HDAC9: variants seen among roughly 807,000 people sequenced by gnomAD.
The protein encoded by HDAC9 is histone deacetylase 9, also known as MEF-2 interacting transcription repressor (MITR) protein.
HDAC9 carries 41 observed loss-of-function variants against 139.4 expected under a neutral mutation model. The ratio of observed to expected loss-of-function variants is 0.29; its 90% CI spans 0.23 to 0.38. The LOEUF (loss-of-function observed/expected upper bound fraction) is 0.38. HDAC9 is among the 10% of genes least tolerant of loss of function. The pLI is 1.00. For missense variants in HDAC9, 1,147 were observed against 1,297.0 expected (o/e 0.88, Z 1.78); for synonymous variants, 517 against 476.2 (o/e 1.09, Z -1.12).
At chr7:18,289,389 T>A (rs1031455585), upstream of HDAC9, among the ~76,000 whole-genome samples, 1 of 152,208 alleles carries the variant, frequency 6.6e-6, no homozygotes, top group African/African-American at 2.4e-5. Context: ...GGGGGTATAC[T>A]AAGAAGGGTA....
chr7:18,224,374 G>A (rs1792906962), intron 2 of HDAC9, among the ~76,000 whole-genome samples: 2 of 152,104 alleles, frequency 1.3e-5, no homozygotes, highest in South Asian at 4.1e-4. Context: ...TCAAATTCTG[G>A]ATATCAATTT....
At chr7:18,893,096 GAGA>G (rs1406124905) in intron 22 of HDAC9, among the ~76,000 whole-genome samples, 2 of 148,884 alleles carry the variant, frequency 1.3e-5, no homozygotes, top group East Asian at 2.0e-4. Flanking sequence ...TTACAGCAGT[GAGA>G]AGAACAGACA....
intron 2 of HDAC9, among the ~76,000 whole-genome samples, chr7:18,165,651 A>G (rs1787957688): frequency 6.6e-6 from 1 of 151,906 alleles, no homozygotes; most frequent in African/African-American, 2.4e-5. Flanking sequence ...ATTGCTTGGC[A>G]TGGTGGTGCA....
At chr7:18,373,751 C>T (rs1326080749) in intron 1 of HDAC9, among the ~76,000 whole-genome samples, 3 of 151,964 alleles carry the variant, frequency 2.0e-5, no homozygotes, top group African/African-American at 4.8e-5. Context: ...TAATCATTGA[C>T]ATTTTTTAGG....
intron 17 of HDAC9, among the ~76,000 whole-genome samples, chr7:18,805,552 T>C (rs1277249318): frequency 6.6e-6 from 1 of 152,176 alleles, no homozygotes; most frequent in East Asian, 1.9e-4. Context: ...GAAGCCAATT[T>C]TAATCATGAA....
At chr7:18,128,501 G>C (rs1469443046) in intron 1 of HDAC9, among the ~76,000 whole-genome samples, 1 of 151,994 alleles carries the variant, frequency 6.6e-6, no homozygotes, top group Non-Finnish European at 1.5e-5. Context: ...GAGTTGGGAA[G>C]CCTCAAGCCA....
intron 2 of HDAC9, among the ~76,000 whole-genome samples, chr7:18,284,034 A>C (rs1797274893): frequency 6.6e-6 from 1 of 152,176 alleles, no homozygotes; most frequent in African/African-American, 2.4e-5. Context: ...TGTACAATTT[A>C]CACAACATTC....
At chr7:18,829,628 C>G in intron 19 of HDAC9, 80 bp downstream of exon 19, 1 of 926,792 alleles carries the variant, frequency 1.1e-6, no homozygotes, top group South Asian at 1.5e-5. Context: ...GTTAGGTTGT[C>G]TTGCTTTTAG....
chr7:18,792,271 A>ATTTT lies in HDAC9; in HGVS notation c.2215-1074_2215-1073insTTTT, dbSNP rs1562944981. Among the ~76,000 whole-genome samples the ATTTT allele has an allele frequency of 2.3e-3, 338 of 150,118 alleles. 3 individuals are homozygous for ATTTT. Among genetic ancestry groups the ATTTT allele is most frequent in the African/African-American group, 8.1e-3 (331 of 40,698 alleles). ...CATTTAATTCTCTTTTTTTTTTAAA[A>ATTTT]AAAAAAAAAAAAGCTTTGTTTTATG... On this transcript the variant is annotated intron_variant, in intron 16 of 25. Transcript: ENST00000686413.
intron 12 of HDAC9, among the ~76,000 whole-genome samples, chr7:18,675,844 G>A (rs1471263178): frequency 1.3e-5 from 2 of 151,950 alleles, no homozygotes; most frequent in East Asian, 3.9e-4. Flanking sequence ...GAGACCCTGT[G>A]AGTACATTAC....
intron 24 of HDAC9, among the ~76,000 whole-genome samples, chr7:18,955,686 T>C (rs892259239): frequency 6.6e-6 from 1 of 152,012 alleles, no homozygotes; most frequent in Non-Finnish European, 1.5e-5. Context: ...ACCAAGTAAA[T>C]AATTGCAATA....
At chr7:18,916,916 C>A (rs1382840111) in intron 22 of HDAC9, among the ~76,000 whole-genome samples, 1 of 152,012 alleles carries the variant, frequency 6.6e-6, no homozygotes, top group African/African-American at 2.4e-5. Flanking sequence ...GTCTGCACAT[C>A]TGGCCTGCAG....
At chr7:18,534,696 G>A (rs1384401060) in intron 2 of HDAC9, among the ~76,000 whole-genome samples, 1 of 152,218 alleles carries the variant, frequency 6.6e-6, no homozygotes, top group Non-Finnish European at 1.5e-5. Flanking sequence ...AGCTGGGGAA[G>A]TAGATGGGTG....
At chr7:18,910,661 A>C (rs1246667893) in intron 22 of HDAC9, among the ~76,000 whole-genome samples, 1 of 151,868 alleles carries the variant, frequency 6.6e-6, no homozygotes, top group Non-Finnish European at 1.5e-5. Context: ...TATAGTATTC[A>C]TCACAGTTGG....
At chr7:18,821,084 C>T (rs1346758551) in intron 17 of HDAC9, among the ~76,000 whole-genome samples, 1 of 152,164 alleles carries the variant, frequency 6.6e-6, no homozygotes, top group Non-Finnish European at 1.5e-5. Flanking sequence ...CTGCAGCCAC[C>T]TGAGGGGAGG....
intron 21 of HDAC9, 62 bp from the exon 22 acceptor site, chr7:18,874,416 T>G: frequency 9.7e-7 from 1 of 1,034,962 alleles, no homozygotes; most frequent in East Asian, 2.6e-5. Context: ...TCGTTTTCAC[T>G]GAACGATTTT....
At chr7:18,439,429 G>T (rs1024582990) in intron 1 of HDAC9, among the ~76,000 whole-genome samples, 1 of 152,150 alleles carries the variant, frequency 6.6e-6, no homozygotes, top group Non-Finnish European at 1.5e-5. Context: ...TATCAGTCTT[G>T]TTACAGTCTC....
rs1793530107 is a variant in HDAC9, at chr7:18,804,297, G to T, written c.2322+10845G>T. Reference sequence around the variant, plus strand: ...CTTGACATGTTTAAGAAACTTCAAGGCCTGAGCGTCTGAAAGTGAGATGAG... The same window carrying T: ...CTTGACATGTTTAAGAAACTTCAAGTCCTGAGCGTCTGAAAGTGAGATGAG... On this transcript the variant is annotated intron_variant, in intron 17 of 25. Transcript: ENST00000686413. Among the ~76,000 whole-genome samples, 4 of 152,148 alleles carry T rather than the reference G, an allele frequency of 2.6e-5. No individual in the cohort carries two copies. In the South Asian group the frequency reaches 8.3e-4, roughly 32 times the overall value.
chr7:18,817,276 C>T lies in HDAC9; in HGVS notation c.2323-11885C>T, dbSNP rs369099103. On this transcript the variant is annotated intron_variant, in intron 17 of 25. Coordinates refer to ENST00000686413, the MANE Select transcript of HDAC9 (RefSeq NM_178425.4). ...GTCTCTGTCTCCTGACCTCGTGATC[C>T]GCCCACCTCGGCCTCCCAAAGTGCT... Among the ~76,000 whole-genome samples the T allele has an allele frequency of 2.8e-4, 43 of 152,012 alleles. 1 individual carries two copies. The highest frequency in any genetic ancestry group is 6.2e-4 in the South Asian group (3 of 4,822).
Sources: gnomAD v4.1 joint callset for allele counts (sites outside exome capture counted in the v4.1 genomes callset) on GRCh38, gnomAD v4.1.1 for gene constraint, MANE v1.5 for transcripts, NCBI Gene and HGNC (gene_info 2026-07-23, HGNC 2026-07-21) for gene names.